Variants in GREM2 observed in about 807,000 individuals in gnomAD.
GREM2 encodes gremlin-2.
GREM2 carries 11 observed loss-of-function variants against 14.2 expected under a neutral mutation model. The ratio of observed to expected loss-of-function variants is 0.78; its 90% CI spans 0.49 to 1.28. The LOEUF (loss-of-function observed/expected upper bound fraction) is 1.28. Ranked by LOEUF, GREM2 falls within the 50% of genes most tolerant of loss-of-function variation. GREM2 has a pLI of 0.00. For missense variants in GREM2, 210 were observed against 218.5 expected, an observed-to-expected ratio of 0.96 and a Z score of 0.24; for synonymous variants, 98 against 97.6, an observed-to-expected ratio of 1.00 and a Z score of -0.02.
intron 1 of GREM2, among the ~76,000 whole-genome samples, chr1:240,589,461 AAAAG>A (rs1679666671): frequency 7.2e-6 from 1 of 139,114 alleles, no homozygotes; most frequent in Admixed American, 6.8e-5. Flanking sequence ...AAAAAGAAAA[AAAAG>A]AAAAGAAAAG....
At chr1:240,589,412 G>A (rs1464978571) in intron 1 of GREM2, among the ~76,000 whole-genome samples, 2 of 148,582 alleles carry the variant, frequency 1.3e-5, no homozygotes, top group Admixed American at 6.7e-5. Context: ...TCCAGCCTGG[G>A]CAACAAAAGC....
At chr1:240,598,397 T>C in intron 1 of GREM2, among the ~76,000 whole-genome samples, 1 of 152,238 alleles carries the variant, frequency 6.6e-6, no homozygotes, top group East Asian at 1.9e-4. Context: ...GAAATTTTTC[T>C]ATTAGTCCAA....
chr1:240,520,938 T>C (rs949132715), intron 1 of GREM2, among the ~76,000 whole-genome samples: 1 of 151,496 alleles, frequency 6.6e-6, no homozygotes, highest in Non-Finnish European at 1.5e-5. Flanking sequence ...AGCATTTTAG[T>C]TTTTGTTTGT....
chr1:240,507,023 C>T (rs570980770), intron 1 of GREM2, among the ~76,000 whole-genome samples: 5 of 152,256 alleles, frequency 3.3e-5, no homozygotes, highest in South Asian at 2.1e-4. Context: ...GGGCTGGAGC[C>T]GGGGCTGGTA....
At chr1:240,499,543 C>A (rs1034150786) in intron 1 of GREM2, among the ~76,000 whole-genome samples, 3 of 152,204 alleles carry the variant, frequency 2.0e-5, no homozygotes, top group African/African-American at 7.2e-5. Context: ...TTTAGTACTG[C>A]CACAGCCTCA....
chr1:240,571,620 C>G (rs555541747), intron 1 of GREM2, among the ~76,000 whole-genome samples: 1 of 152,034 alleles, frequency 6.6e-6, no homozygotes, highest in Non-Finnish European at 1.5e-5. Context: ...CTCTTTTGTA[C>G]CCGGGAGGCA....
chr1:240,586,191 T>G (rs1051713621), intron 1 of GREM2, among the ~76,000 whole-genome samples: 6 of 152,168 alleles, frequency 3.9e-5, no homozygotes, highest in Admixed American at 3.9e-4. Flanking sequence ...CTAAATCATC[T>G]CCGGAGGATA....
chr1:240,579,362 G>A (rs994172109), intron 1 of GREM2, among the ~76,000 whole-genome samples: 1 of 152,154 alleles, frequency 6.6e-6, no homozygotes, highest in Non-Finnish European at 1.5e-5. Flanking sequence ...GCACAGATCT[G>A]GAGTCAGGAG....
At chr1:240,500,023 T>A (rs1347089861) in intron 1 of GREM2, among the ~76,000 whole-genome samples, 1 of 152,234 alleles carries the variant, frequency 6.6e-6, no homozygotes, top group Non-Finnish European at 1.5e-5. Flanking sequence ...GCTTTCAATT[T>A]TAAAATTTCT....
At position 240,496,801 on chromosome 1, in the gene GREM2, G is replaced by A. The variant is rs188472685; in HGVS notation, c.-1-3325C>T. Among the ~76,000 whole-genome samples the A allele has an allele frequency of 1.6e-3, 249 of 152,256 alleles. 3 individuals carry two copies. Among genetic ancestry groups the A allele is most frequent in the African/African-American group, 5.8e-3 (243 of 41,548 alleles). On this transcript the variant is annotated intron_variant, in intron 1 of 1. Transcript: ENST00000318160. ...AAGGTGGGCGGATCCCCTGATGTCA[G>A]GAGTTTGAGACCAGCCTGGCCAAAA...
In GREM2 at chr1:240,597,441, A is replaced by G. The variant is rs775015532; in HGVS notation, c.-2+14443T>C. ...CTGGGAACTGCTGAGAATAACAAGC[A>G]CATAATCTCTTCTAGTACGATACGT... On this transcript the variant is annotated intron_variant, in intron 1 of 1. Transcript: ENST00000318160. Among the ~76,000 whole-genome samples the G allele has an allele frequency of 7.2e-5, 11 of 152,354 alleles. No homozygotes were observed. In the South Asian group the frequency reaches 1.0e-3, roughly 14 times the overall value.
At chr1:240,563,123 GTGTGTA>G (rs756698964) in intron 1 of GREM2, among the ~76,000 whole-genome samples, 38 of 150,392 alleles carry the variant, frequency 2.5e-4, no homozygotes, top group African/African-American at 5.7e-4. Context: ...GTATATGTGA[GTGTGTA>G]TGTGTATGTG....
At chr1:240,564,824 C>T (rs759989608) in intron 1 of GREM2, among the ~76,000 whole-genome samples, 12 of 152,146 alleles carry the variant, frequency 7.9e-5, no homozygotes, top group Non-Finnish European at 1.6e-4. Flanking sequence ...ACTGGTGTGG[C>T]CATAGACATA....
At chr1:240,567,843 T>A (rs1679196775) in intron 1 of GREM2, among the ~76,000 whole-genome samples, 1 of 152,222 alleles carries the variant, frequency 6.6e-6, no homozygotes, top group African/African-American at 2.4e-5. Context: ...CTGCATTGGC[T>A]CAAGCCTGTA....
intron 1 of GREM2, among the ~76,000 whole-genome samples, chr1:240,566,818 A>T (rs1679182633): frequency 6.6e-6 from 1 of 152,178 alleles, no homozygotes; most frequent in Non-Finnish European, 1.5e-5. Context: ...ATTACCAGGC[A>T]TGCAAAACAA....
At chr1:240,601,201 G>A (rs1679915326) in intron 1 of GREM2, among the ~76,000 whole-genome samples, 1 of 152,170 alleles carries the variant, frequency 6.6e-6, no homozygotes, top group South Asian at 2.1e-4. Flanking sequence ...TGTATGAAAA[G>A]CATTATCTCA....
intron 1 of GREM2, among the ~76,000 whole-genome samples, chr1:240,608,868 G>A (rs1680080630): frequency 6.6e-6 from 1 of 152,136 alleles, no homozygotes; most frequent in South Asian, 2.1e-4. Context: ...GGCGACCGGA[G>A]TCTTCCTCAT....
At chr1:240,547,514 A>ATATAT (rs1553275843) in intron 1 of GREM2, among the ~76,000 whole-genome samples, 1 of 102,680 alleles carries the variant, frequency 9.7e-6, no homozygotes, top group African/African-American at 4.4e-5. Flanking sequence ...AAAAAAAAAA[A>ATATAT]ATATATATAT....
intron 1 of GREM2, among the ~76,000 whole-genome samples, chr1:240,583,681 A>G (rs1435169402): frequency 6.6e-6 from 1 of 151,382 alleles, no homozygotes; most frequent in Non-Finnish European, 1.5e-5. Flanking sequence ...AGCTCATTGC[A>G]ACCTCCACCT....
Sources: allele counts gnomAD v4.1 joint callset (sites outside exome capture counted in the v4.1 genomes callset), GRCh38; gene constraint gnomAD v4.1.1; transcripts MANE v1.5; gene names NCBI Gene and HGNC (gene_info 2026-07-23, HGNC 2026-07-21).